Variants in DOCK9 observed in about 807,000 individuals in gnomAD.
DOCK9 encodes the protein dedicator of cytokinesis protein 9.
DOCK9 carries 89 observed loss-of-function variants against 263.3 expected under a neutral mutation model. That is an observed-to-expected ratio of 0.34 (90% confidence interval 0.28 to 0.40). The LOEUF is 0.40. Among genes scored for constraint, DOCK9 ranks in the 10% least tolerant of loss-of-function variants. The pLI, the probability that DOCK9 is intolerant of heterozygous loss-of-function variation, is 1.00. For synonymous variants in DOCK9, 976 were observed against 973.1 expected (o/e 1.00, Z -0.06); for missense variants, 2,140 against 2,603.4 (o/e 0.82, Z 3.87).
intron 35 of DOCK9, among the ~76,000 whole-genome samples, chr13:98,852,118 T>C (rs2093591612): frequency 6.6e-6 from 1 of 152,222 alleles, no homozygotes; most frequent in African/African-American, 2.4e-5. Flanking sequence ...AAAATATTTT[T>C]AAAGAAAACT....
chr13:98,891,717 T>C (rs1474885865), intron 15 of DOCK9, among the ~76,000 whole-genome samples: 1 of 152,248 alleles, frequency 6.6e-6, no homozygotes. Context: ...GAGATTTTAC[T>C]TCTAGTTGCT....
Position 98,922,149 on chromosome 13 carries a change from A to G in DOCK9, c.487-3T>C. ...TGGGAACCAAGGGAGGCAGCATCCT[A>G]GGAGAGAAGGAAAACACCAGCAGTC... is the stretch of plus-strand genomic sequence containing the variant. On this transcript the variant is annotated splice_region_variant and splice_polypyrimidine_tract_variant and intron_variant, in intron 5 of 52. Transcript: ENST00000682017. 6.3e-7 allele frequency: 1 copy of G among 1,583,930 alleles called. No homozygotes were observed. The highest frequency in any genetic ancestry group is 8.6e-7 in the Non-Finnish European group (1 of 1,164,258).
Position 98,867,420 on chromosome 13 carries a change from A to G in DOCK9, c.3286+5T>C. On this transcript the variant is annotated splice_donor_5th_base_variant and intron_variant, in intron 30 of 52. Coordinates refer to ENST00000682017, the MANE Select transcript of DOCK9 (RefSeq NM_001366683.2). ...AAAAGGTTAATAGAAATAAAGATGG[A>G]TTACCTTGGTATCTTTGAATCCTGC... 1.3e-6 allele frequency: 2 copies of G among 1,493,128 alleles called. No individual in the cohort carries two copies. The highest frequency in any genetic ancestry group is 9.3e-7 in the Non-Finnish European group (1 of 1,078,430). 92.5% of individuals were successfully genotyped at this position (1,493,128 alleles called of 1,614,324 possible). A position where few individuals can be genotyped will look rare whatever the true frequency, so the allele number is the denominator to read the frequency against.
At chr13:98,843,591 G>A (rs187472189) in intron 38 of DOCK9, among the ~76,000 whole-genome samples, 1 of 152,354 alleles carries the variant, frequency 6.6e-6, no homozygotes, top group Admixed American at 6.5e-5. Flanking sequence ...TTGTAGGAAT[G>A]CAGGCGAGGA....
intron 7 of DOCK9, among the ~76,000 whole-genome samples, chr13:98,918,966 A>G (rs1400319798): frequency 6.6e-6 from 1 of 152,178 alleles, no homozygotes; most frequent in Non-Finnish European, 1.5e-5. Context: ...AGCACAGGAA[A>G]TCATGCAATG....
chr13:98,800,814 T>G lies in DOCK9; in HGVS notation c.5726-336A>C, dbSNP rs114663073. Among the ~76,000 whole-genome samples the G allele has an allele frequency of 4.5e-3, 678 of 152,284 alleles. 6 individuals carry two copies. Among genetic ancestry groups the G allele is most frequent in the African/African-American group, 0.015 (641 of 41,558 alleles). ...ATGAGTTAGTGGATATAAGATGACT[T>G]TGACAACATAAAAAAGACTAAACAA... On this transcript the variant is annotated intron_variant, in intron 49 of 52. Transcript: ENST00000682017.
chr13:98,951,528 C>T (rs74111339), intron 2 of DOCK9, among the ~76,000 whole-genome samples: 4,725 of 152,212 alleles, frequency 0.031, 235 homozygotes, highest in African/African-American at 0.11. Context: ...CAGCACGGGG[C>T]GGGATGCCTG....
intron 1 of DOCK9, among the ~76,000 whole-genome samples, chr13:98,976,744 A>G (rs2060315246): frequency 2.6e-5 from 4 of 152,252 alleles, no homozygotes; most frequent in Admixed American, 6.5e-5. Context: ...CTAACTTTTC[A>G]GTTCAGGGTT....
intron 49 of DOCK9, among the ~76,000 whole-genome samples, chr13:98,801,167 T>A (rs994678789): frequency 1.3e-5 from 2 of 152,312 alleles, no homozygotes; most frequent in Admixed American, 1.3e-4. Context: ...TATATGCCTG[T>A]AGTCCCAGCT....
At chr13:98,839,720 G>C (rs2141184705) in intron 38 of DOCK9, among the ~76,000 whole-genome samples, 1 of 152,222 alleles carries the variant, frequency 6.6e-6, no homozygotes, top group East Asian at 1.9e-4. Flanking sequence ...ACTACTCCTG[G>C]CTGAAAGCCT....
At chr13:98,940,749 T>C (rs2055695263) in intron 2 of DOCK9, among the ~76,000 whole-genome samples, 1 of 152,088 alleles carries the variant, frequency 6.6e-6, no homozygotes. Context: ...CTCTGGTCCT[T>C]CAACAGTGCC....
chr13:98,978,416 C>A (rs1875906947), upstream of DOCK9, among the ~76,000 whole-genome samples: 1 of 152,186 alleles, frequency 6.6e-6, no homozygotes, highest in Admixed American at 6.5e-5. Flanking sequence ...TGGTTAAAAA[C>A]CAAATGCCTG....
intron 30 of DOCK9, among the ~76,000 whole-genome samples, chr13:98,864,242 G>A (rs1193947053): frequency 6.6e-6 from 1 of 152,098 alleles, no homozygotes; most frequent in Admixed American, 6.5e-5. Flanking sequence ...AAACCAAACT[G>A]GTAAATCACC....
chr13:99,066,650 TA>T, intron 1 of DOCK9, among the ~76,000 whole-genome samples: 1 of 151,584 alleles, frequency 6.6e-6, no homozygotes, highest in East Asian at 1.9e-4. Flanking sequence ...GAGCGTATTC[TA>T]AATTCCAAGA....
chr13:99,044,782 G>A (rs369314589), intron 1 of DOCK9, among the ~76,000 whole-genome samples: 7 of 152,292 alleles, frequency 4.6e-5, no homozygotes, highest in African/African-American at 1.4e-4. Context: ...GCTTAAAGCC[G>A]TAAGTAAAAG....
Position 98,867,026 on chromosome 13 carries a change from G to A in DOCK9, c.3286+399C>T, listed in dbSNP as rs2094046785. 9.7e-6 allele frequency: 4 copies of A among 412,594 alleles called. 1 individual carries two copies. The highest frequency in any genetic ancestry group is 7.3e-5 in the South Asian group (4 of 54,694). The allele number at this position is 412,594 out of a possible 1,614,324, so 25.6% of individuals were successfully genotyped here. ...TTGCATTCTTTATTTTTTAGAGGAG[G>A]AAAATGCAAGAAAGCAAGCGTCATA... On this transcript the variant is annotated intron_variant, in intron 30 of 52. Transcript: ENST00000682017.
intron 1 of DOCK9, among the ~76,000 whole-genome samples, chr13:99,008,222 A>C (rs1186921572): frequency 8.5e-5 from 10 of 117,078 alleles, no homozygotes; most frequent in South Asian, 6.6e-4. Context: ...CTATATATAT[A>C]TATATATATA....
rs200839082 is a variant in DOCK9, at chr13:98,824,509, G to C, written c.5024-5C>G. 4 of 1,613,106 alleles carry C rather than the reference G, an allele frequency of 2.5e-6. No homozygotes were observed. The highest frequency in any genetic ancestry group is 3.3e-5 in the Admixed American group (2 of 60,006). On this transcript the variant is annotated splice_region_variant and splice_polypyrimidine_tract_variant and intron_variant, in intron 44 of 52. Transcript: ENST00000682017. Reference sequence around the variant, plus strand: ...TGCATCCTTGTCTAAACACGCCTAGGAAGAGAGGAAGGAGGGACAGTCAGA... The same window carrying C: ...TGCATCCTTGTCTAAACACGCCTAGCAAGAGAGGAAGGAGGGACAGTCAGA...
chr13:98,904,750 T>C (rs1446778180), intron 9 of DOCK9, 44 bp from the exon 10 acceptor site: 17 of 1,502,040 alleles, frequency 1.1e-5, no homozygotes, highest in Non-Finnish European at 1.4e-5. Flanking sequence ...ACAATCCTTT[T>C]CTTGCAAAGG....
Sources: allele counts gnomAD v4.1 joint callset (sites outside exome capture counted in the v4.1 genomes callset), GRCh38; gene constraint gnomAD v4.1.1; transcripts MANE v1.5; gene names NCBI Gene and HGNC (gene_info 2026-07-23, HGNC 2026-07-21).